TCF7L1: variants seen among roughly 807,000 people sequenced by gnomAD.
TCF7L1 encodes transcription factor 7 like 1.
TCF7L1 carries 18 observed loss-of-function variants against 63.7 expected under a neutral mutation model. The ratio of observed to expected loss-of-function variants is 0.28; its 90% CI spans 0.20 to 0.42. The LOEUF (loss-of-function observed/expected upper bound fraction) is 0.42. Among genes scored for constraint, TCF7L1 ranks in the 10% least tolerant of loss-of-function variants. TCF7L1 has a pLI of 1.00. For synonymous variants in TCF7L1, 355 were observed against 340.9 expected, an observed-to-expected ratio of 1.04 and a Z score of -0.46; for missense variants, 654 against 779.3, an observed-to-expected ratio of 0.84 and a Z score of 1.91.
At chr2:85,199,084 CT>C (rs555341978) in intron 3 of TCF7L1, among the ~76,000 whole-genome samples, 107 of 152,324 alleles carry the variant, frequency 7.0e-4, no homozygotes, top group African/African-American at 2.4e-3. Context: ...CCCAGGCTTT[CT>C]GTCTCTGCCA....
rs143744812 is a variant in TCF7L1 at position 85,309,375 on chromosome 2, G to A, written c.1680G>A (p.Pro560=). 92 of 1,600,592 alleles carry A rather than the reference G, an allele frequency of 5.7e-5. No individual in the cohort carries two copies. The highest frequency in any genetic ancestry group is 3.4e-4 in the African/African-American group (25 of 73,676). ...SMPTALLASP[P]SFPATLHAHQ... is the part of the protein sequence containing the mutation. The stretch of plus-strand genomic sequence containing the variant: ...CCACAGCTCTGCTGGCCTCTCCCCC[G>A]TCCTTCCCCGCCACGCTCCATGCCC... Residue 560 remains proline, a synonymous_variant, in exon 12 of 12, where the codon CCG becomes CCA. Transcript: ENST00000282111.
chr2:85,232,312 A>G (rs776540772), intron 3 of TCF7L1, among the ~76,000 whole-genome samples: 50 of 152,130 alleles, frequency 3.3e-4, no homozygotes, highest in African/African-American at 1.2e-3. Context: ...AGCGATCTGT[A>G]TACATCCTCC....
Position 85,133,874 on chromosome 2 carries a change from G to A in TCF7L1, c.190G>A (p.Glu64Lys), listed in dbSNP as rs1056768261. The part of the protein sequence containing the change: ...DSASAQRDLD[E>K]VKSSLVNESE... Reference sequence around the variant, plus strand: ...CGCCTCGGCGCAGCGGGACCTAGACGAGGTCAAGTCGTCCCTGGTCAACGA... The same window carrying A: ...CGCCTCGGCGCAGCGGGACCTAGACAAGGTCAAGTCGTCCCTGGTCAACGA... The change falls in exon 1 of 12, where the codon GAG (glutamate) becomes AAG (lysine). Residue 64 changes from glutamate to lysine, a missense_variant. Physicochemically the swap from Glu to Lys is moderately conservative, Grantham distance 56. Around this residue, in one of 3 missense-constraint regions of TCF7L1, gnomAD observed 404 missense variants for 454.8 expected, o/e 0.89. Coordinates refer to ENST00000282111, the MANE Select transcript of TCF7L1 (RefSeq NM_031283.3). The surrounding 1 kb of genome is among the most constrained non-coding windows in gnomAD (Gnocchi z 4.4). 5 of 1,522,490 alleles carry A rather than the reference G, an allele frequency of 3.3e-6. No homozygotes were observed. In the Admixed American group the frequency reaches 6.4e-5, roughly 19 times the overall value. The allele number at this position is 1,522,490 out of a possible 1,614,324, so 94.3% of individuals were successfully genotyped here. A position where few individuals can be genotyped will look rare whatever the true frequency, so the allele number is the denominator to read the frequency against.
Position 85,305,343 on chromosome 2 carries a change from T to A in TCF7L1, c.929T>A (p.Ile310Asn). 6.2e-7 allele frequency: 1 copy of A among 1,612,630 alleles called. No individual in the cohort carries two copies. The highest frequency in any genetic ancestry group is 8.5e-7 in the Non-Finnish European group (1 of 1,179,412). ...LPTSGIPHPA[I>N]VSPIVKQEPA... ...ACCTCAGGGATCCCCCACCCTGCCATCGTCTCCCCCATCGTCAAGCAGGAA... is the reference window on the plus strand; with the variant it reads ...ACCTCAGGGATCCCCCACCCTGCCAACGTCTCCCCCATCGTCAAGCAGGAA... Residue 310 changes from isoleucine to asparagine, a missense_variant, in exon 8 of 12, where the codon ATC becomes AAC. Coordinates refer to ENST00000282111, the MANE Select transcript of TCF7L1 (RefSeq NM_031283.3).
chr2:85,291,548 TGTTTTGGTTTTAGTTTTG>T (rs1486829466), intron 4 of TCF7L1, among the ~76,000 whole-genome samples: 1 of 149,524 alleles, frequency 6.7e-6, no homozygotes, highest in African/African-American at 2.5e-5. Context: ...TGTATGTGTT[TGTTTTGGTTTTAGTTTTG>T]GTTTTGGTTT....
At chr2:85,286,382 A>AG (rs1181272354) in intron 4 of TCF7L1, among the ~76,000 whole-genome samples, 2 of 151,776 alleles carry the variant, frequency 1.3e-5, no homozygotes, top group Non-Finnish European at 2.9e-5. Context: ...AAAAAAAAAA[A>AG]CTAACATATA....
chr2:85,295,830 T>C (rs1681829508), intron 4 of TCF7L1, among the ~76,000 whole-genome samples: 1 of 131,982 alleles, frequency 7.6e-6, no homozygotes, highest in African/African-American at 3.0e-5. Flanking sequence ...CAGGCTGGAG[T>C]GCAGCGGCAC....
At chr2:85,267,850 A>C (rs1681017931) in intron 3 of TCF7L1, among the ~76,000 whole-genome samples, 1 of 152,156 alleles carries the variant, frequency 6.6e-6, no homozygotes, top group Admixed American at 6.5e-5. Flanking sequence ...TCTTTAAAGA[A>C]ATCTGTTTAT....
intron 3 of TCF7L1, among the ~76,000 whole-genome samples, chr2:85,280,178 C>T (rs1032335891): frequency 1.6e-4 from 25 of 152,148 alleles, no homozygotes; most frequent in African/African-American, 5.8e-4. Flanking sequence ...TTCTCTCCCT[C>T]AGCCCCAGGA....
chr2:85,134,599 G>C lies in TCF7L1; in HGVS notation c.441+149G>C. On this transcript the variant is annotated intron_variant, in intron 3 of 11. Coordinates refer to ENST00000282111, the MANE Select transcript of TCF7L1 (RefSeq NM_031283.3). The surrounding 1 kb of genome is among the most constrained non-coding windows in gnomAD (Gnocchi z 5.0). ...GGAGTTGAACTACTCTCTGGCGGCCGAGCGCGAGGCTGCGCTGGCCAGTGC... is the reference window on the plus strand; with the variant it reads ...GGAGTTGAACTACTCTCTGGCGGCCCAGCGCGAGGCTGCGCTGGCCAGTGC... 1 of 1,188,424 alleles carries C rather than the reference G, an allele frequency of 8.4e-7. No individual in the cohort carries two copies. Among genetic ancestry groups the C allele is most frequent in the South Asian group, 1.6e-5 (1 of 62,338 alleles). The allele number at this position is 1,188,424 out of a possible 1,614,324, so 73.6% of individuals were successfully genotyped here. A position where few individuals can be genotyped will look rare whatever the true frequency, so the allele number is the denominator to read the frequency against.
At chr2:85,185,177 A>G (rs1234071317) in intron 3 of TCF7L1, among the ~76,000 whole-genome samples, 1 of 152,116 alleles carries the variant, frequency 6.6e-6, no homozygotes, top group Non-Finnish European at 1.5e-5. Flanking sequence ...TGCCCTAGTA[A>G]TGATAAGTGA....
Position 85,134,580 on chromosome 2 carries a change from G to C in TCF7L1, c.441+130G>C. On this transcript the variant is annotated intron_variant, in intron 3 of 11. Coordinates refer to ENST00000282111, the MANE Select transcript of TCF7L1 (RefSeq NM_031283.3). This position sits in a 1 kb window ranked among gnomAD's most constrained non-coding sequence, Gnocchi z 5.0. Reference sequence around the variant, plus strand: ...CCAAGCAGAACTTGTTTGCGGAGTTGAACTACTCTCTGGCGGCCGAGCGCG... The same window carrying C: ...CCAAGCAGAACTTGTTTGCGGAGTTCAACTACTCTCTGGCGGCCGAGCGCG... 7.7e-7 allele frequency: 1 copy of C among 1,292,616 alleles called. No homozygotes were observed. Among genetic ancestry groups the C allele is most frequent in the Non-Finnish European group, 1.0e-6 (1 of 970,274 alleles). The allele number at this position is 1,292,616 out of a possible 1,614,324, so 80.1% of individuals were successfully genotyped here. A position where few individuals can be genotyped will look rare whatever the true frequency, so the allele number is the denominator to read the frequency against.
rs186109570 is a variant in TCF7L1 at position 85,304,021 on chromosome 2, C to T, written c.761+24C>T. ...CAGTAAGGAACCCACAGCCTCTCTT[C>T]CCCCTGCTCCCTCCTTGCGCTGAGC... On this transcript the variant is annotated intron_variant, in intron 6 of 11. Transcript: ENST00000282111. 115 of 1,531,338 alleles carry T rather than the reference C, an allele frequency of 7.5e-5. 1 individual carries two copies. Among genetic ancestry groups the T allele is most frequent in the Middle Eastern group, 1.7e-4 (1 of 5,880 alleles). The allele number at this position is 1,531,338 out of a possible 1,614,324, so 94.9% of individuals were successfully genotyped here. A position where few individuals can be genotyped will look rare whatever the true frequency, so the allele number is the denominator to read the frequency against.
intron 3 of TCF7L1, among the ~76,000 whole-genome samples, chr2:85,237,405 T>C (rs1265018531): frequency 1.3e-5 from 2 of 152,034 alleles, no homozygotes; most frequent in Non-Finnish European, 2.9e-5. Flanking sequence ...TGCAGCCCCC[T>C]CTCAGCCTGT....
At position 85,309,273 on chromosome 2, in the gene TCF7L1, G is replaced by C. The variant is rs759411019; in HGVS notation, c.1578G>C (p.Lys526Asn). Residue 526 changes from lysine (K) to asparagine (N), a missense_variant, in exon 12 of 12, where the codon AAG (lysine) becomes AAC (asparagine). Lys to Asn is a moderately conservative substitution (Grantham distance 94, BLOSUM62 0). Coordinates refer to ENST00000282111, the MANE Select transcript of TCF7L1 (RefSeq NM_031283.3). ...ALHSAAFLSA[K>N]AAASSSGQMG... ...ACTCTGCCGCCTTCCTGTCGGCTAAGGCTGCAGCCTCCTCCTCTGGGCAGA... is the reference window on the plus strand; with the variant it reads ...ACTCTGCCGCCTTCCTGTCGGCTAACGCTGCAGCCTCCTCCTCTGGGCAGA... The C allele has an allele frequency of 3.7e-6, 6 of 1,613,610 alleles. No individual in the cohort carries two copies. Among genetic ancestry groups the C allele is most frequent in the Admixed American group, 3.3e-5 (2 of 59,976 alleles).
rs1343046834 is a variant in TCF7L1, at chr2:85,306,872, A to G, written c.1257+313A>G. 1.3e-5 allele frequency among the ~76,000 whole-genome samples: 2 copies of G among 151,932 alleles called. No homozygotes were observed. The highest frequency in any genetic ancestry group is 2.1e-4 in the South Asian group (1 of 4,806). On this transcript the variant is annotated intron_variant, in intron 10 of 11. Coordinates refer to ENST00000282111, the MANE Select transcript of TCF7L1 (RefSeq NM_031283.3). The surrounding 1 kb of genome is among the most constrained non-coding windows in gnomAD (Gnocchi z 4.3). ...GTAGAGACGGGGTTTCACTGTGTTA[A>G]CCAGGATGGTCTCGAGCTCCTGACC...
At chr2:85,197,911 T>C (rs1425722440) in intron 3 of TCF7L1, among the ~76,000 whole-genome samples, 1 of 152,166 alleles carries the variant, frequency 6.6e-6, no homozygotes, top group East Asian at 1.9e-4. Flanking sequence ...GGTAACTTAC[T>C]TCAGTGAGCA....
At chr2:85,151,808 C>G (rs1678022689) in intron 3 of TCF7L1, among the ~76,000 whole-genome samples, 1 of 152,072 alleles carries the variant, frequency 6.6e-6, no homozygotes. Context: ...GTGATTGAAG[C>G]CATATGTGGC....
intron 4 of TCF7L1, among the ~76,000 whole-genome samples, chr2:85,300,247 T>G (rs1681938390): frequency 6.6e-6 from 1 of 152,220 alleles, no homozygotes; most frequent in African/African-American, 2.4e-5. Context: ...ATTTTCACGC[T>G]GGTAATAATT....
Sources: gnomAD v4.1 joint callset for allele counts (sites outside exome capture counted in the v4.1 genomes callset) on GRCh38, gnomAD v4.1.1 for gene constraint, gnomAD v4.1.1 regional missense constraint, Gnocchi (gnomAD v3.1) non-coding constraint, MANE v1.5 for transcripts, NCBI Gene and HGNC (gene_info 2026-07-23, HGNC 2026-07-21) for gene names.